Variants in C7orf57 observed in about 807,000 individuals in gnomAD.
The protein encoded by C7orf57 is chromosome 7 open reading frame 57.
A neutral mutation model predicts 39.0 loss-of-function variants in C7orf57; 33 were observed. That is an observed-to-expected ratio of 0.85 (90% CI 0.64 to 1.13). C7orf57 has a LOEUF of 1.13. C7orf57 is among the 50% of genes most tolerant of loss of function. The pLI is 0.00. For missense variants in C7orf57, 346 were observed against 362.3 expected, an observed-to-expected ratio of 0.95 and a Z score of 0.37; for synonymous variants, 124 against 137.1, an observed-to-expected ratio of 0.90 and a Z score of 0.67.
At chr7:48,051,774 C>CTTTCTTTCT (rs1554299707) in intron 6 of C7orf57, among the ~76,000 whole-genome samples, 1 of 51,900 alleles carries the variant, frequency 1.9e-5, no homozygotes, top group African/African-American at 5.9e-5. Flanking sequence ...TTCTTTCTTT[C>CTTTCTTTCT]TTTCTTTCTT....
chr7:48,045,510 C>T (rs79638740), intron 4 of C7orf57, among the ~76,000 whole-genome samples: 3,460 of 152,210 alleles, frequency 0.023, 136 homozygotes, highest in African/African-American at 0.079. Context: ...CTCGCTCTCT[C>T]GGAGGCCCCC....
At chr7:48,052,430 A>G (rs1015041855) in intron 6 of C7orf57, among the ~76,000 whole-genome samples, 12 of 152,228 alleles carry the variant, frequency 7.9e-5, no homozygotes, top group Non-Finnish European at 1.5e-4. Flanking sequence ...TGGAAGCTGA[A>G]CTAAACATGC....
In C7orf57 at chr7:48,052,864, C is replaced by G; in HGVS notation, c.770C>G (p.Pro257Arg). ...LSQSPRDLEG[P>R]QDAARLQDAE... ...CAGTCCCCACGAGACCTGGAAGGTC[C>G]CCAGGATGCAGCCAGGCTCCAGGAT... The change falls in exon 7 of 9, where the codon CCC becomes CGC. Residue 257 changes from proline to arginine, a missense_variant. Physicochemically the swap from Pro to Arg is moderately radical, Grantham distance 103. Coordinates refer to ENST00000348904, the MANE Select transcript of C7orf57 (RefSeq NM_001100159.3). 6.2e-7 allele frequency: 1 copy of G among 1,613,916 alleles called. No homozygotes were observed. The highest frequency in any genetic ancestry group is 8.5e-7 in the Non-Finnish European group (1 of 1,179,872).
intron 4 of C7orf57, 110 bp downstream of exon 4, chr7:48,043,699 G>C (rs1360910341): frequency 4.8e-6 from 4 of 836,036 alleles, no homozygotes; most frequent in Non-Finnish European, 7.8e-6. Flanking sequence ...CATGTGATAT[G>C]ACAACTTCAG....
chr7:48,041,352 C>T lies in C7orf57; in HGVS notation c.74C>T (p.Pro25Leu), dbSNP rs376817019. The T allele has an allele frequency of 1.2e-5, 20 of 1,613,328 alleles. No individual in the cohort carries two copies. The highest frequency in any genetic ancestry group is 4.0e-5 in the African/African-American group (3 of 75,028). ...TCTATAGATTGGTATTACCACGTCC[C>T]AGTGAAGCGCTCTGAGAAGGCCGTG... ...YAPCDWYYHV[P>L]VKRSEKAVDA... Residue 25 changes from proline to leucine, a missense_variant, in exon 3 of 9, where the codon CCA (proline) becomes CTA (leucine). Pro to Leu is a moderately conservative substitution (Grantham distance 98, BLOSUM62 -3). Transcript: ENST00000348904.
chr7:48,046,385 C>A (rs1226004739), intron 4 of C7orf57, 75 bp from the exon 5 acceptor site: 2 of 1,379,070 alleles, frequency 1.5e-6, no homozygotes, highest in East Asian at 5.1e-5. Context: ...GGAGAGCCAG[C>A]GATGGAGATG....
At chr7:48,047,951 G>A (rs1017824750) in intron 5 of C7orf57, among the ~76,000 whole-genome samples, 6 of 152,166 alleles carry the variant, frequency 3.9e-5, no homozygotes, top group African/African-American at 1.4e-4. Context: ...AACCTCTAGT[G>A]ATAAATGAAC....
intron 2 of C7orf57, among the ~76,000 whole-genome samples, chr7:48,037,018 C>G (rs1790390913): frequency 6.6e-6 from 1 of 151,940 alleles, no homozygotes; most frequent in South Asian, 2.1e-4. Context: ...TCAGCTGGGA[C>G]AGCTGAGTTG....
intron 4 of C7orf57, among the ~76,000 whole-genome samples, chr7:48,044,108 C>T (rs1467179824): frequency 6.6e-6 from 1 of 152,240 alleles, no homozygotes; most frequent in East Asian, 1.9e-4. Flanking sequence ...CACTTAGCTG[C>T]GCAGGAACAA....
intron 6 of C7orf57, among the ~76,000 whole-genome samples, chr7:48,051,347 A>AT (rs71006546): frequency 0.038 from 2,636 of 69,744 alleles, 310 homozygotes; most frequent in African/African-American, 0.15. Context: ...CAGCTGGCTA[A>AT]TTTTTTTTTT....
At chr7:48,057,911 A>G (rs1274259793) in intron 8 of C7orf57, among the ~76,000 whole-genome samples, 2 of 152,168 alleles carry the variant, frequency 1.3e-5, no homozygotes, top group East Asian at 3.8e-4. Context: ...ATTATGTAGT[A>G]TATCACATTC....
intron 5 of C7orf57, among the ~76,000 whole-genome samples, chr7:48,047,719 TAGAG>T (rs1030491352): frequency 1.3e-5 from 2 of 152,152 alleles, no homozygotes; most frequent in African/African-American, 2.4e-5. Flanking sequence ...TTTTTTTAAT[TAGAG>T]AGAAGTTCTC....
intron 3 of C7orf57, among the ~76,000 whole-genome samples, chr7:48,042,292 CT>C: frequency 6.6e-6 from 1 of 152,246 alleles, no homozygotes; most frequent in South Asian, 2.1e-4. Flanking sequence ...GACATTTTTT[CT>C]TAGATTCACC....
rs562553795 is a variant in C7orf57 at position 48,037,654 on chromosome 7, A to T, written c.55+1291A>T. Among the ~76,000 whole-genome samples the T allele has an allele frequency of 3.9e-3, 590 of 152,276 alleles. 4 individuals are homozygous for T. The highest frequency in any genetic ancestry group is 5.6e-3 in the Non-Finnish European group (381 of 68,024). ...GCAGGGAAGGCTATATATATATATAAAAAATCTATAGGATAGTAAATGACT... is the reference window on the plus strand; with the variant it reads ...GCAGGGAAGGCTATATATATATATATAAAATCTATAGGATAGTAAATGACT... On this transcript the variant is annotated intron_variant, in intron 2 of 8. Transcript: ENST00000348904.
At position 48,049,927 on chromosome 7, in the gene C7orf57, C is replaced by T. The variant is rs1173094018; in HGVS notation, c.555C>T (p.Thr185=). 1 of 1,613,754 alleles carries T rather than the reference C, an allele frequency of 6.2e-7. No individual in the cohort carries two copies. Among genetic ancestry groups the T allele is most frequent in the Admixed American group, 1.7e-5 (1 of 59,996 alleles). The change falls in exon 6 of 9, where the codon ACC becomes ACT. Residue 185 remains threonine, a synonymous_variant. Coordinates refer to ENST00000348904, the MANE Select transcript of C7orf57 (RefSeq NM_001100159.3). ...IDSKYLSKAG[T]PLGPKNPAGS... is the part of the protein sequence containing the mutation. Reference sequence around the variant, plus strand: ...CAAAGTATCTGAGCAAAGCAGGCACCCCACTTGGCCCTAAGAATCCTGCAG... The same window carrying T: ...CAAAGTATCTGAGCAAAGCAGGCACTCCACTTGGCCCTAAGAATCCTGCAG...
In C7orf57 at chr7:48,046,360, A is replaced by G. The variant is rs1050540079; in HGVS notation, c.351-100A>G. 15 of 1,075,168 alleles carry G rather than the reference A, an allele frequency of 1.4e-5. No homozygotes were observed. In the African/African-American group the frequency reaches 2.2e-4, roughly 16 times the overall value. 66.6% of individuals were successfully genotyped at this position (1,075,168 alleles called of 1,614,324 possible). A position where few individuals can be genotyped will look rare whatever the true frequency, so the allele number is the denominator to read the frequency against. On this transcript the variant is annotated intron_variant, in intron 4 of 8. Coordinates refer to ENST00000348904, the MANE Select transcript of C7orf57 (RefSeq NM_001100159.3). Reference sequence around the variant, plus strand: ...ACAGTGAGAGAAGGAGGGAGACAGAAGGAGGGAGGGAAAGGGAGAGCCAGC... The same window carrying G: ...ACAGTGAGAGAAGGAGGGAGACAGAGGGAGGGAGGGAAAGGGAGAGCCAGC...
In C7orf57 at chr7:48,041,857, C is replaced by A. The variant is rs149221744; in HGVS notation, c.241+338C>A. Among the ~76,000 whole-genome samples the A allele has an allele frequency of 1.3e-3, 192 of 152,340 alleles. 6 individuals carry two copies. The East Asian group carries it at 0.031, about 24-fold the overall frequency. ...AAGTTGCCTCCAAGAGAGAATCTGT[C>A]TTTGCATGCTACCAATTCTTGTCTA... On this transcript the variant is annotated intron_variant, in intron 3 of 8. Transcript: ENST00000348904.
chr7:48,051,750 TTTTC>T (rs368758672), intron 6 of C7orf57, among the ~76,000 whole-genome samples: 6,922 of 53,772 alleles, frequency 0.13, 634 homozygotes, highest in East Asian at 0.14. Flanking sequence ...TTTCTTTTTC[TTTTC>T]TTTCTTTCTT....
chr7:48,047,178 G>A (rs1405689593), intron 5 of C7orf57, among the ~76,000 whole-genome samples: 1 of 152,140 alleles, frequency 6.6e-6, no homozygotes, highest in African/African-American at 2.4e-5. Context: ...GGGAAGTCTT[G>A]ACAGGAGGAC....
Sources: allele counts gnomAD v4.1 joint callset (sites outside exome capture counted in the v4.1 genomes callset), GRCh38; gene constraint gnomAD v4.1.1; transcripts MANE v1.5; gene names NCBI Gene and HGNC (gene_info 2026-07-23, HGNC 2026-07-21).